PSPC1: variants seen among roughly 807,000 people sequenced by gnomAD.
The protein encoded by PSPC1 is paraspeckle protein 1.
PSPC1 carries 14 observed loss-of-function variants against 51.6 expected under a neutral mutation model. The ratio of observed to expected loss-of-function variants is 0.27; its 90% CI spans 0.18 to 0.42. The LOEUF is 0.42. Among genes scored for constraint, PSPC1 ranks in the 10% least tolerant of loss-of-function variants. The pLI is 1.00. For synonymous variants in PSPC1, 193 were observed against 231.9 expected, an observed-to-expected ratio of 0.83 and a Z score of 1.53; for missense variants, 406 against 701.1, an observed-to-expected ratio of 0.58 and a Z score of 4.75.
chr13:19,700,732 T>C (rs1879800014), downstream of PSPC1, among the ~76,000 whole-genome samples: 1 of 152,082 alleles, frequency 6.6e-6, no homozygotes, highest in Admixed American at 6.6e-5. Flanking sequence ...CAAACTATCA[T>C]AATATTGTTA....
downstream of PSPC1, chr13:19,671,306 C>T (rs150284975): frequency 2.2e-4 from 349 of 1,592,248 alleles, 5 homozygotes; most frequent in East Asian, 7.6e-3. Context: ...GTCCTTTCTT[C>T]ACATTTAGTG....
At chr13:19,688,316 GATA>G (rs1878166255) in intron 6 of PSPC1, among the ~76,000 whole-genome samples, 1 of 151,998 alleles carries the variant, frequency 6.6e-6, no homozygotes, top group Admixed American at 6.6e-5. Context: ...GATTCTTACA[GATA>G]ATACTAGATA....
intron 3 of PSPC1, among the ~76,000 whole-genome samples, chr13:19,755,544 C>T (rs1203296231): frequency 4.6e-5 from 7 of 151,008 alleles, no homozygotes; most frequent in East Asian, 1.9e-4. Flanking sequence ...GCCAAGATCG[C>T]GCCACTGCAC....
At chr13:19,679,768 GAAC>G (rs1565953116) in intron 6 of PSPC1, among the ~76,000 whole-genome samples, 1 of 152,066 alleles carries the variant, frequency 6.6e-6, no homozygotes, top group Non-Finnish European at 1.5e-5. Flanking sequence ...GGAAATGGAG[GAAC>G]AACTGTTTAT....
intron 1 of PSPC1, among the ~76,000 whole-genome samples, chr13:19,773,234 T>G (rs1260618998): frequency 6.7e-6 from 1 of 149,342 alleles, no homozygotes; most frequent in African/African-American, 2.5e-5. Flanking sequence ...TCCATACCCT[T>G]TATGTTTTTA....
chr13:19,699,539 ATT>A (rs1241264007), downstream of PSPC1: 2 of 152,008 alleles, frequency 1.3e-5, no homozygotes, highest in East Asian at 3.9e-4. Context: ...GAATTATATG[ATT>A]TGCTTAGAAT....
At chr13:19,730,969 A>AAAAAAAAAAAAAAAAAAC (rs1884023504) in intron 5 of PSPC1, among the ~76,000 whole-genome samples, 3 of 146,606 alleles carry the variant, frequency 2.0e-5, no homozygotes, top group Non-Finnish European at 3.0e-5. Context: ...AAAAAACAAA[A>AAAAAAAAAAAAAAAAAAC]AAAAAAAAAA....
intron 6 of PSPC1, among the ~76,000 whole-genome samples, chr13:19,682,741 T>G (rs1454837353): frequency 1.3e-5 from 2 of 152,134 alleles, no homozygotes; most frequent in Non-Finnish European, 2.9e-5. Flanking sequence ...AGAAAATTAC[T>G]TGGCAGTTTC....
Position 19,782,367 on chromosome 13 carries a change from GCGGGCGCCTGACA to G in PSPC1, c.372+6_372+18del. On this transcript the variant is annotated splice_donor_region_variant and intron_variant, in intron 1 of 8. Coordinates refer to ENST00000338910, the MANE Select transcript of PSPC1 (RefSeq NM_001354909.2). The surrounding 1 kb of genome is among the most constrained non-coding windows in gnomAD (Gnocchi z 4.5). The stretch of plus-strand genomic sequence containing the variant: ...CCCGACAGTCCTTTTGTTCCCTCGC[GCGGGCGCCTGACA>G]CTCACCAAGCGGATGAAGCCGAAGC... 6.4e-7 allele frequency: 1 copy of G among 1,561,006 alleles called. No homozygotes were observed. The highest frequency in any genetic ancestry group is 1.2e-5 in the South Asian group (1 of 85,302).
downstream of PSPC1, among the ~76,000 whole-genome samples, chr13:19,701,996 C>G (rs2137714287): frequency 6.6e-6 from 1 of 152,268 alleles, no homozygotes; most frequent in East Asian, 1.9e-4. Context: ...TATTGAAAAT[C>G]AAAATAGGTA....
chr13:19,774,818 A>AAT (rs761844408), intron 1 of PSPC1, among the ~76,000 whole-genome samples: 37 of 145,154 alleles, frequency 2.5e-4, no homozygotes, highest in Non-Finnish European at 4.2e-4. Flanking sequence ...AAAAAAAAAA[A>AAT]CAAAAAAAAA....
intron 6 of PSPC1, chr13:19,678,550 C>G (rs1407632164): frequency 6.6e-6 from 1 of 152,140 alleles, no homozygotes; most frequent in Non-Finnish European, 1.5e-5. Context: ...AATCATTACC[C>G]TAGATCAGTG....
At chr13:19,725,140 G>T (rs1331519040) in intron 6 of PSPC1, among the ~76,000 whole-genome samples, 7 of 152,282 alleles carry the variant, frequency 4.6e-5, no homozygotes, top group Middle Eastern at 3.4e-3. Context: ...TCACGCCACT[G>T]AACTCCAGCC....
chr13:19,730,124 T>C (rs905604106), intron 6 of PSPC1, 115 bp downstream of exon 6: 2 of 762,144 alleles, frequency 2.6e-6, no homozygotes, highest in Non-Finnish European at 2.1e-6. Flanking sequence ...TCAAACATGA[T>C]GAATTTAGAA....
At chr13:19,739,521 G>T (rs1885197794) in intron 5 of PSPC1, among the ~76,000 whole-genome samples, 2 of 152,098 alleles carry the variant, frequency 1.3e-5, no homozygotes, top group Admixed American at 1.3e-4. Flanking sequence ...GCCGAGGCAG[G>T]TAGATCACCT....
chr13:19,699,705 A>G (rs1879673304), downstream of PSPC1, among the ~76,000 whole-genome samples: 1 of 151,604 alleles, frequency 6.6e-6, no homozygotes, highest in African/African-American at 2.4e-5. Flanking sequence ...TACTTACTTT[A>G]AAGTAGTTTG....
chr13:19,751,682 G>A (rs565786228), intron 3 of PSPC1, among the ~76,000 whole-genome samples: 23 of 152,276 alleles, frequency 1.5e-4, no homozygotes, highest in Non-Finnish European at 3.2e-4. Flanking sequence ...TACACAATCT[G>A]ATGCCACAAC....
chr13:19,690,637 G>A (rs749394162), intron 6 of PSPC1, among the ~76,000 whole-genome samples: 5 of 152,042 alleles, frequency 3.3e-5, no homozygotes, highest in African/African-American at 4.8e-5. Context: ...AAACGCCATT[G>A]TATTTGGTAT....
chr13:19,736,540 A>T (rs139097826), intron 5 of PSPC1, among the ~76,000 whole-genome samples: 2 of 151,952 alleles, frequency 1.3e-5, no homozygotes, highest in Non-Finnish European at 2.9e-5. Context: ...AAAATTAGCC[A>T]GGTGTGGTGA....
Sources: allele counts gnomAD v4.1 joint callset (sites outside exome capture counted in the v4.1 genomes callset), GRCh38; gene constraint gnomAD v4.1.1; non-coding constraint Gnocchi (gnomAD v3.1); transcripts MANE v1.5; gene names NCBI Gene and HGNC (gene_info 2026-07-23, HGNC 2026-07-21).